The following SYNE2 variants were observed in gnomAD, a reference collection of about 807,000 sequenced individuals.
The protein encoded by SYNE2 is nesprin-2.
In SYNE2, 431 loss-of-function variants were observed where a neutral mutation model predicts 856.3. The observed-to-expected ratio is 0.50, with a 90% CI of 0.47 to 0.55. The LOEUF (loss-of-function observed/expected upper bound fraction) is 0.55, where lower values mean the gene tolerates loss of function less well. SYNE2 is among the 20% of genes least tolerant of loss of function. The pLI is 0.00. For synonymous variants in SYNE2, 2,923 were observed against 2,872.3 expected (o/e 1.02, Z -0.56); for missense variants, 8,129 against 8,023.2 (o/e 1.01, Z -0.50).
At position 64,126,825 on chromosome 14, in the gene SYNE2, CA is replaced by C. The variant is rs753214853; in HGVS notation, c.13917+19del. ...GTTACCAGGTATGATTCCGAGCACACAGCCTATTTTGGCACTGTTTTAAGTT... is the reference window on the plus strand; with the variant it reads ...GTTACCAGGTATGATTCCGAGCACACGCCTATTTTGGCACTGTTTTAAGTT... On this transcript the variant is annotated intron_variant, in intron 73 of 115. Transcript: ENST00000555002. 6.2e-7 allele frequency: 1 copy of C among 1,606,820 alleles called. No homozygotes were observed. Among genetic ancestry groups the C allele is most frequent in the South Asian group, 1.1e-5 (1 of 91,070 alleles).
chr14:63,817,262 A>G (rs1889027692), intron 1 of SYNE2, among the ~76,000 whole-genome samples: 1 of 151,826 alleles, frequency 6.6e-6, no homozygotes, highest in African/African-American at 2.4e-5. Context: ...GAGTTTAGAG[A>G]CCAACCTGGG....
rs775203287 is a variant in SYNE2 at position 63,988,701 on chromosome 14, G to A, written c.2314-1710G>A. On this transcript the variant is annotated intron_variant, in intron 19 of 115. Transcript: ENST00000555002. ...AGTTTTAATGGACTTACAGTTCCAC[G>A]TGTGTGGGAAGGCCTCACAATCATG... Among the ~76,000 whole-genome samples, 8 of 152,310 alleles carry A rather than the reference G, an allele frequency of 5.3e-5. No individual in the cohort carries two copies. In the East Asian group the frequency reaches 7.7e-4, roughly 15 times the overall value.
At chr14:64,121,922 C>T in intron 68 of SYNE2, 90 bp from the exon 69 acceptor site, 1 of 1,551,814 alleles carries the variant, frequency 6.4e-7, no homozygotes, top group Non-Finnish European at 8.8e-7. Flanking sequence ...GGAACTGGCT[C>T]AAAATTAGAT....
At position 64,055,964 on chromosome 14, in the gene SYNE2, T is replaced by C. The variant is rs772059205; in HGVS notation, c.9765T>C (p.Tyr3255=). The C allele has an allele frequency of 5.6e-6, 9 of 1,613,864 alleles. No homozygotes were observed. The South Asian group carries it at 8.8e-5, about 16-fold the overall frequency. Residue 3255 remains tyrosine (Y), a synonymous_variant, in exon 49 of 116, where the codon TAT becomes TAC. Transcript: ENST00000555002. The part of the protein sequence containing the change: ...DLRTNVLNDA[Y]ENLTRYKEAV... Reference sequence around the variant, plus strand: ...ACTAGAATGTCTTGAATGATGCTTATGAAAATCTAACACGCTATAAAGAAG... The same window carrying C: ...ACTAGAATGTCTTGAATGATGCTTACGAAAATCTAACACGCTATAAAGAAG...
intron 97 of SYNE2, among the ~76,000 whole-genome samples, chr14:64,187,623 G>A (rs2098498828): frequency 6.6e-6 from 1 of 152,122 alleles, no homozygotes; most frequent in Non-Finnish European, 1.5e-5. Flanking sequence ...GGATATATAA[G>A]CATTCAGTAT....
At chr14:63,967,906 T>C (rs1301284013) in intron 11 of SYNE2, 60 bp downstream of exon 11, 1 of 1,572,746 alleles carries the variant, frequency 6.4e-7, no homozygotes. Flanking sequence ...CTCACACCTG[T>C]AATCCCAGCA....
chr14:63,911,188 A>G (rs943448004), intron 2 of SYNE2, among the ~76,000 whole-genome samples: 2 of 152,066 alleles, frequency 1.3e-5, no homozygotes, highest in African/African-American at 4.8e-5. Flanking sequence ...GCTTTCATTC[A>G]GATTGTTTCC....
chr14:64,031,458 T>C, intron 45 of SYNE2, 101 bp downstream of exon 45: 1 of 1,042,796 alleles, frequency 9.6e-7, no homozygotes, highest in African/African-American at 1.6e-5. Context: ...GATTTCATAA[T>C]TAAATCCTCA....
chr14:63,829,292 C>T (rs1352013041), intron 1 of SYNE2, among the ~76,000 whole-genome samples: 1 of 152,010 alleles, frequency 6.6e-6, no homozygotes, highest in East Asian at 1.9e-4. Context: ...TGGCACGCAC[C>T]TGTGGTACCA....
intron 100 of SYNE2, among the ~76,000 whole-genome samples, chr14:64,204,968 A>G (rs1473685922): frequency 1.3e-5 from 2 of 152,042 alleles, no homozygotes; most frequent in East Asian, 1.9e-4. Context: ...CTTGGCTCAC[A>G]TGCGCCTTCT....
chr14:63,940,723 C>G, intron 3 of SYNE2, 48 bp downstream of exon 3: 3 of 1,550,970 alleles, frequency 1.9e-6, no homozygotes, highest in Non-Finnish European at 2.7e-6. Flanking sequence ...TTATTACTCC[C>G]CCTACTCCTT....
In SYNE2 at chr14:64,121,967, G is replaced by A. The variant is rs202103005; in HGVS notation, c.13159-45G>A. 452 of 1,610,970 alleles carry A rather than the reference G, an allele frequency of 2.8e-4. 1 individual carries two copies. The highest frequency in any genetic ancestry group is 9.0e-4 in the Admixed American group (54 of 60,004). Reference sequence around the variant, plus strand: ...CAGAGGAAACTAGTGGGTACTAATCGAAAAGCTTGATGGATTGGACCATTT... The same window carrying A: ...CAGAGGAAACTAGTGGGTACTAATCAAAAAGCTTGATGGATTGGACCATTT... On this transcript the variant is annotated intron_variant, in intron 68 of 115. Transcript: ENST00000555002.
chr14:64,155,618 A>G (rs1045722634), intron 85 of SYNE2, among the ~76,000 whole-genome samples: 1 of 151,554 alleles, frequency 6.6e-6, no homozygotes, highest in Non-Finnish European at 1.5e-5. Flanking sequence ...CAGATCATCC[A>G]TCTATAAGCT....
intron 88 of SYNE2, chr14:64,162,678 G>A (rs1360551887): frequency 2.6e-5 from 8 of 304,392 alleles, no homozygotes; most frequent in Non-Finnish European, 5.1e-5. Context: ...CCTTTTCTGT[G>A]GGTATAGTAA....
intron 1 of SYNE2, among the ~76,000 whole-genome samples, chr14:63,831,101 A>G (rs1889652291): frequency 6.6e-6 from 1 of 152,046 alleles, no homozygotes; most frequent in South Asian, 2.1e-4. Context: ...TCGGCCTCCT[A>G]AAAGTGCTGG....
intron 95 of SYNE2, among the ~76,000 whole-genome samples, chr14:64,177,129 T>C (rs1333370739): frequency 3.3e-5 from 5 of 152,194 alleles, no homozygotes; most frequent in Admixed American, 3.3e-4. Context: ...AAGCCTAGCC[T>C]GGTGGTTGAA....
chr14:64,209,262 G>A (rs1188330430), intron 101 of SYNE2, 166 bp from the exon 102 acceptor site: 14 of 1,184,638 alleles, frequency 1.2e-5, no homozygotes, highest in Non-Finnish European at 1.4e-5. Flanking sequence ...GCTGCTTGGC[G>A]CTCCCAGGCA....
chr14:63,776,024 A>G (rs1027007751), intron 1 of SYNE2, among the ~76,000 whole-genome samples: 9 of 152,332 alleles, frequency 5.9e-5, no homozygotes, highest in Admixed American at 5.2e-4. Flanking sequence ...TTTAAATAGC[A>G]TCTTAATTCA....
intron 12 of SYNE2, among the ~76,000 whole-genome samples, chr14:63,977,649 A>C (rs2096554750): frequency 6.6e-6 from 1 of 152,102 alleles, no homozygotes; most frequent in African/African-American, 2.4e-5. Flanking sequence ...AGACCCAGCT[A>C]CTCAGGAAGC....
Sources: allele counts gnomAD v4.1 joint callset (sites outside exome capture counted in the v4.1 genomes callset), GRCh38; gene constraint gnomAD v4.1.1; transcripts MANE v1.5; gene names NCBI Gene and HGNC (gene_info 2026-07-23, HGNC 2026-07-21).